Variants in ZNF385B observed in about 807,000 individuals in gnomAD.
ZNF385B encodes the protein zinc finger protein 533.
In ZNF385B, 23 loss-of-function variants were observed where a neutral mutation model predicts 39.2. The observed-to-expected ratio is 0.59, with a 90% confidence interval of 0.42 to 0.83. The LOEUF (loss-of-function observed/expected upper bound fraction) is 0.83, where lower values mean the gene tolerates loss of function less well. Ranked by LOEUF, ZNF385B falls within the 40% of genes least tolerant of loss-of-function variation. The pLI is 0.00. For synonymous variants in ZNF385B, 205 were observed against 222.6 expected, an observed-to-expected ratio of 0.92 and a Z score of 0.70; for missense variants, 552 against 598.9, an observed-to-expected ratio of 0.92 and a Z score of 0.82.
At chr2:179,666,327 G>A (rs1410674139) in intron 3 of ZNF385B, among the ~76,000 whole-genome samples, 1 of 152,126 alleles carries the variant, frequency 6.6e-6, no homozygotes, top group Non-Finnish European at 1.5e-5. Flanking sequence ...GAGGCATATG[G>A]CAATAGCTTC....
intron 4 of ZNF385B, among the ~76,000 whole-genome samples, chr2:179,519,290 C>T (rs1258343826): frequency 6.6e-6 from 1 of 152,178 alleles, no homozygotes; most frequent in African/African-American, 2.4e-5. Flanking sequence ...CTTATCAGAG[C>T]ACAGAAAGTA....
intron 1 of ZNF385B, chr2:179,814,712 C>G (rs1172388509): frequency 8.5e-6 from 2 of 233,932 alleles, no homozygotes; most frequent in South Asian, 1.2e-4. Context: ...GTTGTGGAGG[C>G]CTTTTCATGT....
At chr2:179,706,943 G>C (rs17499149) in intron 3 of ZNF385B, among the ~76,000 whole-genome samples, 29,609 of 152,042 alleles carry the variant, frequency 0.19, 3,447 homozygotes, top group East Asian at 0.5. Context: ...GACCCCCACA[G>C]CAATGAGTTA....
chr2:179,541,847 G>A (rs1325742071), intron 4 of ZNF385B, among the ~76,000 whole-genome samples: 4 of 152,132 alleles, frequency 2.6e-5, no homozygotes, highest in Admixed American at 6.5e-5. Context: ...TGTTCACAAT[G>A]AATGAGGTGG....
At chr2:179,453,043 T>C (rs1033990160) in intron 6 of ZNF385B, among the ~76,000 whole-genome samples, 3 of 152,198 alleles carry the variant, frequency 2.0e-5, no homozygotes, top group Non-Finnish European at 4.4e-5. Context: ...AATATGAATA[T>C]ACAGAAACAT....
intron 5 of ZNF385B, among the ~76,000 whole-genome samples, chr2:179,500,191 A>C (rs1349077160): frequency 6.6e-6 from 1 of 152,122 alleles, no homozygotes; most frequent in Non-Finnish European, 1.5e-5. Context: ...AATATTGTTA[A>C]AGTGTCCATA....
At chr2:179,445,861 G>C in intron 7 of ZNF385B, 133 bp from the exon 8 acceptor site, 1 of 795,258 alleles carries the variant, frequency 1.3e-6, no homozygotes, top group Middle Eastern at 2.6e-4. Context: ...CTTTAATGCT[G>C]ATTTTAAATT....
intron 3 of ZNF385B, among the ~76,000 whole-genome samples, chr2:179,582,199 A>G (rs942233343): frequency 6.6e-6 from 1 of 152,222 alleles, no homozygotes; most frequent in Non-Finnish European, 1.5e-5. Context: ...AGACTAATTT[A>G]TAGAAAATTA....
chr2:179,720,397 GGAGA>G (rs1384512466), intron 3 of ZNF385B, among the ~76,000 whole-genome samples: 2 of 145,992 alleles, frequency 1.4e-5, no homozygotes, highest in East Asian at 4.2e-4. Flanking sequence ...AGAGAGCAGG[GGAGA>G]GGGGAGGGGA....
At chr2:179,532,783 AT>A (rs1378070322) in intron 4 of ZNF385B, among the ~76,000 whole-genome samples, 2 of 152,122 alleles carry the variant, frequency 1.3e-5, no homozygotes, top group African/African-American at 4.8e-5. Flanking sequence ...GAATCACCAA[AT>A]TTCTGCCTCA....
chr2:179,810,620 C>T (rs892122635), intron 1 of ZNF385B, among the ~76,000 whole-genome samples: 3 of 151,882 alleles, frequency 2.0e-5, no homozygotes, highest in Non-Finnish European at 4.4e-5. Context: ...TTTCCAATCA[C>T]TACAAAATAT....
chr2:179,698,055 G>A (rs909890075), intron 3 of ZNF385B, among the ~76,000 whole-genome samples: 4 of 152,114 alleles, frequency 2.6e-5, no homozygotes, highest in East Asian at 3.9e-4. Flanking sequence ...GTGGAGTGAG[G>A]GGGGAGGGAT....
intron 3 of ZNF385B, among the ~76,000 whole-genome samples, chr2:179,658,895 A>G (rs991665218): frequency 6.6e-6 from 1 of 152,098 alleles, no homozygotes; most frequent in African/African-American, 2.4e-5. Flanking sequence ...CTCTTGCTTC[A>G]GCCTCCTGAG....
At chr2:179,760,559 A>G (rs541220174) in intron 3 of ZNF385B, among the ~76,000 whole-genome samples, 1 of 152,230 alleles carries the variant, frequency 6.6e-6, no homozygotes, top group African/African-American at 2.4e-5. Context: ...ATGTACCACA[A>G]TTTAACAAGT....
chr2:179,716,186 C>CA (rs1320976479), intron 3 of ZNF385B, among the ~76,000 whole-genome samples: 1 of 152,042 alleles, frequency 6.6e-6, no homozygotes, highest in Non-Finnish European at 1.5e-5. Flanking sequence ...AGAACTGAGC[C>CA]AGTCAATGCT....
chr2:179,716,982 G>C (rs1372533852), intron 3 of ZNF385B, among the ~76,000 whole-genome samples: 1 of 152,050 alleles, frequency 6.6e-6, no homozygotes, highest in Non-Finnish European at 1.5e-5. Context: ...CTGAATTTTT[G>C]TTGAATTTTT....
At chr2:179,536,957 T>C (rs1215453703) in intron 4 of ZNF385B, among the ~76,000 whole-genome samples, 2 of 152,132 alleles carry the variant, frequency 1.3e-5, no homozygotes, top group African/African-American at 2.4e-5. Flanking sequence ...AGATAAATCT[T>C]GAGGCTTTTG....
chr2:179,638,536 A>G (rs1389713915), intron 3 of ZNF385B, among the ~76,000 whole-genome samples: 1 of 152,146 alleles, frequency 6.6e-6, no homozygotes, highest in Non-Finnish European at 1.5e-5. Flanking sequence ...GGAAATGCAA[A>G]TATGAAATGT....
At chr2:179,845,523 A>C (rs1413584402) in intron 1 of ZNF385B, among the ~76,000 whole-genome samples, 1 of 152,206 alleles carries the variant, frequency 6.6e-6, no homozygotes, top group Non-Finnish European at 1.5e-5. Context: ...GATCAAGGAT[A>C]AAGTCATCAT....
Sources: allele counts gnomAD v4.1 joint callset (sites outside exome capture counted in the v4.1 genomes callset), GRCh38; gene constraint gnomAD v4.1.1; transcripts MANE v1.5; gene names NCBI Gene and HGNC (gene_info 2026-07-23, HGNC 2026-07-21).